Variants in ATF3 observed in about 807,000 individuals in gnomAD.
ATF3 encodes the protein cyclic AMP-dependent transcription factor ATF-3.
A neutral mutation model predicts 18.4 loss-of-function variants in ATF3; 10 were observed. That is an observed-to-expected ratio of 0.54 (90% CI 0.34 to 0.92). The LOEUF (loss-of-function observed/expected upper bound fraction) is 0.92. Among genes scored for constraint, ATF3 ranks in the 40% least tolerant of loss-of-function variants. ATF3 has a pLI of 0.02. For missense variants in ATF3, 183 were observed against 222.3 expected (o/e 0.82, Z 1.12); for synonymous variants, 78 against 87.9 (o/e 0.89, Z 0.63).
chr1:212,600,631 C>T (rs956822682), intron 1 of ATF3, among the ~76,000 whole-genome samples: 1 of 152,212 alleles, frequency 6.6e-6, no homozygotes, highest in Admixed American at 6.5e-5. Flanking sequence ...AGAAAACGGT[C>T]GGCTCAACAT....
chr1:212,615,393 C>T (rs993094561), intron 2 of ATF3, 132 bp downstream of exon 2: 9 of 1,173,560 alleles, frequency 7.7e-6, no homozygotes, highest in African/African-American at 1.5e-5. Context: ...AGGGAGCTTA[C>T]CTTCTCCTGG....
Position 212,619,251 on chromosome 1 carries a change from C to T in ATF3, c.349-107C>T. 4 of 1,610,946 alleles carry T rather than the reference C, an allele frequency of 2.5e-6. No homozygotes were observed. The highest frequency in any genetic ancestry group is 3.4e-6 in the Non-Finnish European group (4 of 1,179,526). On this transcript the variant is annotated intron_variant, in intron 3 of 3. Transcript: ENST00000341491. This position sits in a 1 kb window ranked among gnomAD's most constrained non-coding sequence, Gnocchi z 4.4. ...CATCTTCCTCTCGCAGCTTGATGAG[C>T]CCCGGTGTGTCCCAGGTACACCCCT... is the stretch of plus-strand genomic sequence containing the variant.
intron 1 of ATF3, among the ~76,000 whole-genome samples, chr1:212,570,548 A>G (rs1664462244): frequency 6.6e-6 from 1 of 152,216 alleles, no homozygotes; most frequent in African/African-American, 2.4e-5. Flanking sequence ...TATAAATCAT[A>G]TCTATAGACT....
Position 212,619,656 on chromosome 1 carries a change from G to T in ATF3, c.*101G>T. The T allele has an allele frequency of 6.7e-7, 1 of 1,490,042 alleles. No individual in the cohort carries two copies. Among genetic ancestry groups the T allele is most frequent in the Non-Finnish European group, 9.1e-7 (1 of 1,093,794 alleles). 92.3% of individuals were successfully genotyped at this position (1,490,042 alleles called of 1,614,324 possible). ...AGAGCTGTCTTCCTGTGTACCTCTA[G>T]AATCCCAGCAGCAGAGAACCATCAA... is the stretch of plus-strand genomic sequence containing the variant. On this transcript the variant is annotated 3_prime_UTR_variant, in exon 4 of 4. Transcript: ENST00000341491. This position sits in a 1 kb window ranked among gnomAD's most constrained non-coding sequence, Gnocchi z 4.4.
At chr1:212,582,054 C>T (rs1267357673) in intron 1 of ATF3, among the ~76,000 whole-genome samples, 1 of 152,124 alleles carries the variant, frequency 6.6e-6, no homozygotes, top group East Asian at 1.9e-4. Flanking sequence ...ATCTCCCTTC[C>T]CCTCACTTAC....
At chr1:212,589,337 T>C (rs1241957572) in intron 1 of ATF3, among the ~76,000 whole-genome samples, 4 of 152,278 alleles carry the variant, frequency 2.6e-5, no homozygotes, top group African/African-American at 4.8e-5. Context: ...TAGCAGATAA[T>C]GGGAGCAAGG....
intron 1 of ATF3, among the ~76,000 whole-genome samples, chr1:212,600,703 C>A (rs898781427): frequency 6.6e-6 from 1 of 152,214 alleles, no homozygotes; most frequent in Non-Finnish European, 1.5e-5. Flanking sequence ...AGCCGTCCTG[C>A]CCCACTTTAG....
chr1:212,567,599 T>C (rs899845654), intron 1 of ATF3, among the ~76,000 whole-genome samples: 3 of 152,230 alleles, frequency 2.0e-5, no homozygotes, highest in African/African-American at 7.2e-5. Context: ...TTATTTTCCA[T>C]TTACTCAACT....
chr1:212,604,498 C>T (rs762351920), upstream of ATF3, among the ~76,000 whole-genome samples: 2 of 152,128 alleles, frequency 1.3e-5, no homozygotes, highest in Non-Finnish European at 2.9e-5. Context: ...GGCACCTAGT[C>T]CATGGGGGTG....
chr1:212,590,155 T>C (rs1382838378), intron 1 of ATF3, among the ~76,000 whole-genome samples: 1 of 152,150 alleles, frequency 6.6e-6, no homozygotes, highest in Non-Finnish European at 1.5e-5. Context: ...TAAAACAATA[T>C]AGGAACTGTG....
upstream of ATF3, among the ~76,000 whole-genome samples, chr1:212,604,895 C>T (rs1177526941): frequency 6.6e-6 from 1 of 152,170 alleles, no homozygotes; most frequent in Non-Finnish European, 1.5e-5. Flanking sequence ...AGGAGAGCCC[C>T]AGGTGTGTGG....
At chr1:212,589,699 G>A (rs1310159636) in intron 1 of ATF3, among the ~76,000 whole-genome samples, 4 of 144,350 alleles carry the variant, frequency 2.8e-5, no homozygotes, top group Admixed American at 2.1e-4. Flanking sequence ...AAAAAAGAAA[G>A]AAAAAGAAGA....
chr1:212,586,361 C>T (rs1457690519), intron 1 of ATF3, among the ~76,000 whole-genome samples: 1 of 152,136 alleles, frequency 6.6e-6, no homozygotes, highest in Non-Finnish European at 1.5e-5. Flanking sequence ...TGGGGCAAGC[C>T]AGTGGGAGGG....
chr1:212,574,036 T>A (rs865883912), intron 1 of ATF3, among the ~76,000 whole-genome samples: 20 of 151,832 alleles, frequency 1.3e-4, no homozygotes, highest in African/African-American at 4.8e-4. Context: ...TTTTCCTATA[T>A]CCTAATTCAG....
chr1:212,593,720 G>A (rs565860386), intron 1 of ATF3, among the ~76,000 whole-genome samples: 1 of 133,096 alleles, frequency 7.5e-6, no homozygotes, highest in African/African-American at 2.8e-5. Flanking sequence ...CAGCCTGGAT[G>A]ATAGAGAGAG....
chr1:212,568,859 T>G (rs575948525), intron 1 of ATF3, among the ~76,000 whole-genome samples: 2 of 152,316 alleles, frequency 1.3e-5, no homozygotes, highest in South Asian at 2.1e-4. Context: ...GTAGGTTTAT[T>G]AATGTTTGTT....
upstream of ATF3, among the ~76,000 whole-genome samples, chr1:212,608,131 TG>T (rs1654699803): frequency 6.6e-6 from 1 of 151,974 alleles, no homozygotes; most frequent in Non-Finnish European, 1.5e-5. Context: ...CACCGAAGGG[TG>T]ACTTTGGACA....
intron 1 of ATF3, among the ~76,000 whole-genome samples, chr1:212,594,234 T>C (rs1307389841): frequency 6.6e-6 from 1 of 152,234 alleles, no homozygotes; most frequent in African/African-American, 2.4e-5. Context: ...TGCATGAGGC[T>C]AAGACACATT....
intron 1 of ATF3, among the ~76,000 whole-genome samples, chr1:212,595,590 C>A (rs1664976249): frequency 6.6e-6 from 1 of 152,126 alleles, no homozygotes; most frequent in Non-Finnish European, 1.5e-5. Flanking sequence ...ACTGGGAAAC[C>A]ATTACTCGAA....
Sources: gnomAD v4.1 joint callset for allele counts (sites outside exome capture counted in the v4.1 genomes callset) on GRCh38, gnomAD v4.1.1 for gene constraint, Gnocchi (gnomAD v3.1) non-coding constraint, MANE v1.5 for transcripts, NCBI Gene and HGNC (gene_info 2026-07-23, HGNC 2026-07-21) for gene names.